CERS6: variants seen among roughly 807,000 people sequenced by gnomAD.
CERS6 encodes the protein LAG1 homolog, ceramide synthase 6.
CERS6 carries 26 observed loss-of-function variants against 56.8 expected under a neutral mutation model. The observed-to-expected ratio is 0.46, with a 90% confidence interval of 0.34 to 0.63. The LOEUF is 0.63. Ranked by LOEUF, CERS6 falls within the 30% of genes least tolerant of loss-of-function variation. CERS6 has a pLI of 0.01. For missense variants in CERS6, 415 were observed against 467.5 expected, an observed-to-expected ratio of 0.89 and a Z score of 1.04; for synonymous variants, 164 against 173.3, an observed-to-expected ratio of 0.95 and a Z score of 0.42.
intron 2 of CERS6, among the ~76,000 whole-genome samples, chr2:168,555,499 AAACTAT>A (rs1238736618): frequency 3.3e-5 from 5 of 152,104 alleles, no homozygotes; most frequent in Admixed American, 6.5e-5. Flanking sequence ...TGAGTTAGCA[AAACTAT>A]AACTATAATT....
intron 3 of CERS6, among the ~76,000 whole-genome samples, chr2:168,601,645 G>A (rs908544708): frequency 1.8e-4 from 28 of 152,106 alleles, no homozygotes; most frequent in Admixed American, 5.2e-4. Context: ...CACATCCTGG[G>A]TTCAAGCAGT....
rs1004601310 is a variant in CERS6, at chr2:168,549,175, G to GT, written c.276+1484dup. ...TTCTAAATGAATAATAAAATGAGGT[G>GT]TTTTTTTTTTAATTTTGTTTTTTGT... On this transcript the variant is annotated intron_variant, in intron 2 of 9. Transcript: ENST00000305747. Among the ~76,000 whole-genome samples the GT allele has an allele frequency of 4.6e-3, 688 of 148,096 alleles. 7 individuals are homozygous for GT. The highest frequency in any genetic ancestry group is 0.016 in the African/African-American group (638 of 40,388).
intron 4 of CERS6, among the ~76,000 whole-genome samples, chr2:168,655,510 T>A (rs1473365608): frequency 6.6e-6 from 1 of 152,208 alleles, no homozygotes; most frequent in African/African-American, 2.4e-5. Flanking sequence ...TAAAGAAATG[T>A]GTATGTACAC....
intron 4 of CERS6, among the ~76,000 whole-genome samples, chr2:168,650,651 A>G (rs140743230): frequency 1.9e-4 from 28 of 144,544 alleles, no homozygotes; most frequent in African/African-American, 6.6e-4. Context: ...GCTTTTATCT[A>G]TCTTATCTGA....
At chr2:168,628,804 C>T (rs1051563912) in intron 3 of CERS6, among the ~76,000 whole-genome samples, 11 of 151,318 alleles carry the variant, frequency 7.3e-5, no homozygotes, top group Non-Finnish European at 1.5e-4. Context: ...ACATTTTTTA[C>T]ATCTAATTTC....
chr2:168,723,190 T>C (rs1251165987), intron 8 of CERS6, among the ~76,000 whole-genome samples: 1 of 152,188 alleles, frequency 6.6e-6, no homozygotes, highest in Non-Finnish European at 1.5e-5. Context: ...GGGAAGAGAC[T>C]TTTGTTGTCA....
At chr2:168,769,190 C>A (rs1417852955) in intron 9 of CERS6, among the ~76,000 whole-genome samples, 2 of 152,084 alleles carry the variant, frequency 1.3e-5, no homozygotes, top group Non-Finnish European at 2.9e-5. Context: ...CCTATGACGC[C>A]ATTCCAGTGA....
chr2:168,538,790 T>G (rs1051178151), intron 1 of CERS6, among the ~76,000 whole-genome samples: 1 of 152,230 alleles, frequency 6.6e-6, no homozygotes, highest in African/African-American at 2.4e-5. Flanking sequence ...CCTCTGCAGA[T>G]AATTGTGCGT....
chr2:168,761,254 T>G (rs1574227567), intron 8 of CERS6, among the ~76,000 whole-genome samples: 1 of 152,266 alleles, frequency 6.6e-6, no homozygotes, highest in Middle Eastern at 3.4e-3. Flanking sequence ...GAGCAGCATC[T>G]CAAAAGTAAT....
At chr2:168,511,491 T>C (rs1694786220) in intron 1 of CERS6, among the ~76,000 whole-genome samples, 1 of 152,256 alleles carries the variant, frequency 6.6e-6, no homozygotes, top group East Asian at 1.9e-4. Context: ...TTCCTGTGTG[T>C]CTTATTGGTG....
intron 6 of CERS6, among the ~76,000 whole-genome samples, chr2:168,701,141 G>A (rs535666778): frequency 4.2e-4 from 64 of 152,314 alleles, no homozygotes; most frequent in African/African-American, 1.3e-3. Flanking sequence ...GGCAAGCAGA[G>A]TCCCTGGCCC....
chr2:168,671,910 A>G (rs1235971739), intron 4 of CERS6, among the ~76,000 whole-genome samples: 1 of 152,230 alleles, frequency 6.6e-6, no homozygotes, highest in Non-Finnish European at 1.5e-5. Flanking sequence ...CAATTAGAGT[A>G]TCTTAGAAAT....
chr2:168,705,550 A>G (rs1686916710), intron 6 of CERS6, among the ~76,000 whole-genome samples: 1 of 152,150 alleles, frequency 6.6e-6, no homozygotes, highest in Admixed American at 6.5e-5. Flanking sequence ...GATGATGACA[A>G]GAGTTCCCCA....
At chr2:168,630,348 A>G (rs75550764) in intron 3 of CERS6, among the ~76,000 whole-genome samples, 2,619 of 152,100 alleles carry the variant, frequency 0.017, 103 homozygotes, top group East Asian at 0.16. Context: ...TATATTTTAA[A>G]AGACTTAAAA....
chr2:168,543,330 T>C (rs1478055509), intron 1 of CERS6, among the ~76,000 whole-genome samples: 2 of 152,192 alleles, frequency 1.3e-5, no homozygotes, highest in Non-Finnish European at 1.5e-5. Context: ...AAAGCACATA[T>C]TTCCTTTCAA....
chr2:168,535,026 C>T (rs950278173), intron 1 of CERS6, among the ~76,000 whole-genome samples: 3 of 152,224 alleles, frequency 2.0e-5, no homozygotes, highest in South Asian at 4.1e-4. Context: ...GTTGGGCTGT[C>T]GGGGACACGT....
intron 3 of CERS6, among the ~76,000 whole-genome samples, chr2:168,623,692 C>A (rs1280164818): frequency 6.6e-6 from 1 of 151,802 alleles, no homozygotes; most frequent in African/African-American, 2.4e-5. Context: ...CTTTTAAGAA[C>A]TTTAGATGTC....
In CERS6 at chr2:168,456,883, C is replaced by T. The variant is rs1226340662; in HGVS notation, c.170+265C>T. On this transcript the variant is annotated intron_variant, in intron 1 of 9. Transcript: ENST00000305747. This position sits in a 1 kb window ranked among gnomAD's most constrained non-coding sequence, Gnocchi z 4.1. ...TCGCCCCCTGCCCTCCTCCTGGGCCCTGCTCTCCTCCCGGCAAGGGCAGGC... is the reference window on the plus strand; with the variant it reads ...TCGCCCCCTGCCCTCCTCCTGGGCCTTGCTCTCCTCCCGGCAAGGGCAGGC... Among the ~76,000 whole-genome samples the T allele has an allele frequency of 1.3e-5, 2 of 152,218 alleles. No homozygotes were observed. The highest frequency in any genetic ancestry group is 2.9e-5 in the Non-Finnish European group (2 of 68,024).
At chr2:168,719,679 C>T (rs1687311132) in intron 8 of CERS6, among the ~76,000 whole-genome samples, 1 of 152,118 alleles carries the variant, frequency 6.6e-6, no homozygotes, top group African/African-American at 2.4e-5. Flanking sequence ...TTGGCTTATT[C>T]TCTGTTATAT....
Sources: allele counts gnomAD v4.1 joint callset (sites outside exome capture counted in the v4.1 genomes callset), GRCh38; gene constraint gnomAD v4.1.1; non-coding constraint Gnocchi (gnomAD v3.1); transcripts MANE v1.5; gene names NCBI Gene and HGNC (gene_info 2026-07-23, HGNC 2026-07-21).